The following PSAP variants were observed in gnomAD, a reference collection of about 807,000 sequenced individuals.
PSAP encodes precursor of saposins.
A neutral mutation model predicts 66.0 loss-of-function variants in PSAP; 25 were observed. The observed-to-expected ratio is 0.38, with a 90% confidence interval of 0.28 to 0.53. The LOEUF (loss-of-function observed/expected upper bound fraction) is 0.53. Ranked by LOEUF, PSAP falls within the 20% of genes least tolerant of loss-of-function variation. The pLI is 0.83. For missense variants in PSAP, 649 were observed against 668.8 expected, an observed-to-expected ratio of 0.97 and a Z score of 0.33; for synonymous variants, 273 against 258.9, an observed-to-expected ratio of 1.05 and a Z score of -0.52.
chr10:71,831,823 C>A, intron 3 of PSAP, 23 bp downstream of exon 3: 1 of 1,612,490 alleles, frequency 6.2e-7, no homozygotes, highest in Non-Finnish European at 8.5e-7. Flanking sequence ...GCTCAAGCAC[C>A]ATCCCCACTC....
chr10:71,840,797 T>C (rs987517674), intron 1 of PSAP, among the ~76,000 whole-genome samples: 3 of 152,200 alleles, frequency 2.0e-5, no homozygotes, highest in Non-Finnish European at 4.4e-5. Flanking sequence ...GGACATTATC[T>C]ACACGGAGAA....
intron 4 of PSAP, among the ~76,000 whole-genome samples, chr10:71,829,834 A>G (rs1842475639): frequency 6.6e-6 from 1 of 151,990 alleles, no homozygotes; most frequent in Admixed American, 6.6e-5. Context: ...CCCCATCTCT[A>G]CAAAAATACA....
chr10:71,839,092 T>C (rs1295556798), intron 1 of PSAP, among the ~76,000 whole-genome samples: 2 of 152,210 alleles, frequency 1.3e-5, no homozygotes, highest in South Asian at 2.1e-4. Context: ...TGAGGCAGTA[T>C]GCTGAACTCC....
In PSAP at chr10:71,840,183, G is replaced by GA. The variant is rs78037982; in HGVS notation, c.41-5679dup. ...AAGTACAATTTGAATCTAGCTACCAGAAAAAAAAAAAAGAGGTAACAGAAA... is the reference window on the plus strand; with the variant it reads ...AAGTACAATTTGAATCTAGCTACCAGAAAAAAAAAAAAAGAGGTAACAGAAA... On this transcript the variant is annotated intron_variant, in intron 1 of 13. Transcript: ENST00000394936. Among the ~76,000 whole-genome samples, 123 of 141,708 alleles carry GA rather than the reference G, an allele frequency of 8.7e-4. No individual in the cohort carries two copies. In the Middle Eastern group the frequency reaches 0.014, roughly 16 times the overall value. 93.0% of individuals were successfully genotyped at this position (141,708 alleles called of 152,430 possible).
intron 1 of PSAP, among the ~76,000 whole-genome samples, chr10:71,844,548 C>G (rs1024767445): frequency 1.3e-5 from 2 of 152,200 alleles, no homozygotes; most frequent in East Asian, 3.9e-4. Flanking sequence ...CACCCATAAT[C>G]CCAGCTACTC....
At chr10:71,833,802 A>C (rs1287181327) in intron 2 of PSAP, among the ~76,000 whole-genome samples, 1 of 152,208 alleles carries the variant, frequency 6.6e-6, no homozygotes. Context: ...TAGATGAAAA[A>C]TCAGTGCTAG....
At chr10:71,818,986 A>G (rs1214902471) in intron 12 of PSAP, 45 bp downstream of exon 12, 1 of 1,551,328 alleles carries the variant, frequency 6.4e-7, no homozygotes, top group South Asian at 1.1e-5. Context: ...GCAGCCCCCC[A>G]GGTTACAGCT....
At chr10:71,843,645 T>C (rs1322568634) in intron 1 of PSAP, among the ~76,000 whole-genome samples, 1 of 152,246 alleles carries the variant, frequency 6.6e-6, no homozygotes, top group Non-Finnish European at 1.5e-5. Flanking sequence ...AGCAGTTTAT[T>C]AGACGTCGAT....
Position 71,829,045 on chromosome 10 carries a change from G to A in PSAP, c.408C>T (p.Asn136=), listed in dbSNP as rs775675806. 2 of 1,614,130 alleles carry A rather than the reference G, an allele frequency of 1.2e-6. No homozygotes were observed. The highest frequency in any genetic ancestry group is 1.7e-6 in the Non-Finnish European group (2 of 1,180,012). The change falls in exon 5 of 14, where the codon AAC becomes AAT. Residue 136 remains asparagine, a synonymous_variant. Coordinates refer to ENST00000394936, the MANE Select transcript of PSAP (RefSeq NM_002778.4). ...SRPGEVCSAL[N]LCESLQKHLA... ...GGTGCTTCTGGAGAGACTCGCAGAG[G>A]TTGAGAGCAGAGCACACCTCCCCAG...
At chr10:71,820,434 T>A (rs1842277318) in intron 8 of PSAP, 99 bp from the exon 9 acceptor site, 1 of 973,586 alleles carries the variant, frequency 1.0e-6, no homozygotes, top group East Asian at 2.4e-5. Context: ...CAGGGTGGGT[T>A]AGCACATCAA....
At chr10:71,827,419 A>G (rs1041778653) in intron 6 of PSAP, among the ~76,000 whole-genome samples, 11 of 120,052 alleles carry the variant, frequency 9.2e-5, no homozygotes, top group Non-Finnish European at 1.8e-4. Flanking sequence ...AAAAAAAAAG[A>G]AAAGAAAAGA....
chr10:71,851,194 G>A lies in PSAP; in HGVS notation c.28C>T (p.Leu10Phe), dbSNP rs779742363. The change falls in exon 1 of 14, where the codon CTC (leucine) becomes TTC (phenylalanine). Residue 10 changes from leucine (L) to phenylalanine (F), a missense_variant. Leu to Phe is a conservative substitution (Grantham distance 22, BLOSUM62 0). Transcript: ENST00000394936. Reference sequence around the variant, plus strand: ...TCCCAGGGCTTACCCGCGCCCAGGAGGCTGGCCAGGAGGAAGAGGGCGTAC... The same window carrying A: ...TCCCAGGGCTTACCCGCGCCCAGGAAGCTGGCCAGGAGGAAGAGGGCGTAC... MYALFLLAS[L>F]LGAALAGPVL... The A allele has an allele frequency of 9.5e-5, 148 of 1,551,020 alleles. No homozygotes were observed. Among genetic ancestry groups the A allele is most frequent in the South Asian group, 3.7e-4 (31 of 84,068 alleles).
chr10:71,851,012 A>T (rs1181746278), intron 1 of PSAP, among the ~76,000 whole-genome samples, 170 bp downstream of exon 1: 1 of 152,084 alleles, frequency 6.6e-6, no homozygotes, highest in Non-Finnish European at 1.5e-5. Flanking sequence ...CGCAGCCCCC[A>T]GCCGCCCAGA....
Position 71,833,033 on chromosome 10 carries a change from AAAAAAC to A in PSAP, c.175-1119_175-1114del, listed in dbSNP as rs1007358333. Among the ~76,000 whole-genome samples, 43 of 122,228 alleles carry A rather than the reference AAAAAAC, an allele frequency of 3.5e-4. 3 individuals are homozygous for A. The highest frequency in any genetic ancestry group is 1.9e-3 in the Admixed American group (25 of 13,324). The allele number at this position is 122,228 out of a possible 152,430, so 80.2% of individuals were successfully genotyped here. Reference sequence around the variant, plus strand: ...GTCCATCTCAAAAAAAAAAAAAAACAAAAAACAAAAACAGAAGGCCGGGCCATGACA... The same window carrying A: ...GTCCATCTCAAAAAAAAAAAAAAACAAAAAACAGAAGGCCGGGCCATGACA... On this transcript the variant is annotated intron_variant, in intron 2 of 13. Transcript: ENST00000394936.
At chr10:71,825,785 G>A (rs373688753) in intron 7 of PSAP, 52 bp downstream of exon 7, 53 of 1,538,342 alleles carry the variant, frequency 3.4e-5, no homozygotes, top group East Asian at 4.5e-5. Flanking sequence ...TAGAAATGAC[G>A]AAACCTGAAA....
At chr10:71,834,137 C>G (rs990527762) in intron 2 of PSAP, among the ~76,000 whole-genome samples, 1 of 152,212 alleles carries the variant, frequency 6.6e-6, no homozygotes, top group Non-Finnish European at 1.5e-5. Flanking sequence ...CTGTCTGCCA[C>G]AAGAAACCAG....
intron 13 of PSAP, among the ~76,000 whole-genome samples, chr10:71,818,072 T>C (rs919794315): frequency 1.3e-5 from 2 of 152,164 alleles, no homozygotes; most frequent in Admixed American, 1.3e-4. Flanking sequence ...CAAAGCAACA[T>C]TAAGTAACAG....
At chr10:71,835,808 C>A in intron 1 of PSAP, among the ~76,000 whole-genome samples, 1 of 132,704 alleles carries the variant, frequency 7.5e-6, no homozygotes. Flanking sequence ...ATACTTGACC[C>A]AAGTCTGAGA....
chr10:71,824,047 T>C (rs1842353852), intron 7 of PSAP, among the ~76,000 whole-genome samples: 1 of 152,148 alleles, frequency 6.6e-6, no homozygotes, highest in Non-Finnish European at 1.5e-5. Flanking sequence ...AATCAGATCT[T>C]AGCAACCTAC....
Sources: gnomAD v4.1 joint callset for allele counts (sites outside exome capture counted in the v4.1 genomes callset) on GRCh38, gnomAD v4.1.1 for gene constraint, MANE v1.5 for transcripts, NCBI Gene and HGNC (gene_info 2026-07-23, HGNC 2026-07-21) for gene names.